Variants in PSMD6 observed in about 807,000 individuals in gnomAD.
The protein encoded by PSMD6 is 26S proteasome non-ATPase regulatory subunit 6.
A neutral mutation model predicts 44.9 loss-of-function variants in PSMD6; 7 were observed. The ratio of observed to expected loss-of-function variants is 0.16; its 90% confidence interval spans 0.09 to 0.29. The LOEUF is 0.29. Ranked by LOEUF, PSMD6 falls within the 10% of genes least tolerant of loss-of-function variation. The pLI, the probability that PSMD6 is intolerant of heterozygous loss-of-function variation, is 1.00. For synonymous variants in PSMD6, 184 were observed against 172.7 expected (o/e 1.07, Z -0.51); for missense variants, 420 against 482.6 (o/e 0.87, Z 1.21).
chr3:64,022,956 A>G, intron 1 of PSMD6: 1 of 1,426,802 alleles, frequency 7.0e-7, no homozygotes, highest in Non-Finnish European at 9.3e-7. Context: ...GCCCGGGAGC[A>G]GTCCCCACTG....
At chr3:64,018,561 T>A (rs530083529) in intron 5 of PSMD6, 38 bp downstream of exon 5, 23 of 1,435,172 alleles carry the variant, frequency 1.6e-5, no homozygotes, top group Non-Finnish European at 2.1e-5. Flanking sequence ...AGGAGTAAGA[T>A]GAAGACAGAT....
chr3:64,022,723 T>C, intron 1 of PSMD6, 200 bp from the exon 2 acceptor site: 1 of 1,536,684 alleles, frequency 6.5e-7, no homozygotes, highest in Non-Finnish European at 8.7e-7. Flanking sequence ...TGACGGCCAA[T>C]CCTGGCAATG....
chr3:64,023,083 G>T, intron 1 of PSMD6, 192 bp downstream of exon 1: 1 of 1,425,622 alleles, frequency 7.0e-7, no homozygotes, highest in Non-Finnish European at 9.1e-7. Flanking sequence ...TGCAGACCCC[G>T]CTGAGGCAAG....
intron 1 of PSMD6, 37 bp downstream of exon 1, chr3:64,023,238 G>A: frequency 6.5e-7 from 1 of 1,541,156 alleles, no homozygotes; most frequent in Non-Finnish European, 8.8e-7. Flanking sequence ...GACGGCCCAG[G>A]CCTAGGCCGC....
intron 6 of PSMD6, 156 bp downstream of exon 6, chr3:64,013,283 A>G: frequency 3.1e-6 from 2 of 646,848 alleles, no homozygotes; most frequent in South Asian, 2.5e-5. Flanking sequence ...CAGAGGCAAC[A>G]GGATACGAAT....
intron 5 of PSMD6, chr3:64,016,879 T>C (rs916436583): frequency 2.0e-5 from 3 of 152,244 alleles, no homozygotes; most frequent in African/African-American, 7.2e-5. Flanking sequence ...TTATTGATAG[T>C]AGCCAAAAAG....
intron 6 of PSMD6, 131 bp downstream of exon 6, chr3:64,013,308 G>T: frequency 2.2e-6 from 2 of 895,130 alleles, no homozygotes; most frequent in Non-Finnish European, 3.3e-6. Flanking sequence ...TGATAATACT[G>T]AGGAAAAAAA....
intron 6 of PSMD6, chr3:64,011,896 C>G (rs142548491): frequency 6.6e-6 from 1 of 152,472 alleles, no homozygotes; most frequent in Non-Finnish European, 1.5e-5. Context: ...ACAAGCCCCT[C>G]CTTCCACTGA....
At chr3:64,023,670 C>G (rs551490685), upstream of PSMD6, 63 of 1,471,852 alleles carry the variant, frequency 4.3e-5, no homozygotes, top group East Asian at 1.1e-3. Flanking sequence ...GGGTGCAGCC[C>G]AACTCAAAAG....
chr3:64,019,155 TTTAAA>T (rs1245610461), intron 3 of PSMD6, 118 bp from the exon 4 acceptor site: 1 of 1,375,390 alleles, frequency 7.3e-7, no homozygotes, highest in Non-Finnish European at 1.0e-6. Context: ...AAAGGAGATA[TTTAAA>T]TTATTTTACT....
intron 2 of PSMD6, among the ~76,000 whole-genome samples, chr3:64,020,690 A>G (rs1444801122): frequency 2.0e-5 from 3 of 152,236 alleles, no homozygotes; most frequent in Non-Finnish European, 4.4e-5. Flanking sequence ...GGCACTTACT[A>G]TGTGCTAGGT....
chr3:64,020,133 T>C (rs1457213048), intron 2 of PSMD6, among the ~76,000 whole-genome samples: 4 of 152,108 alleles, frequency 2.6e-5, no homozygotes, highest in African/African-American at 9.7e-5. Context: ...GGTGAACCTG[T>C]GACATTTTGT....
chr3:64,013,260 G>A, intron 6 of PSMD6, 179 bp downstream of exon 6: 1 of 545,530 alleles, frequency 1.8e-6, no homozygotes, highest in East Asian at 3.2e-5. Context: ...GGGCAGACAT[G>A]ACATGAGGAA....
At chr3:64,013,363 T>C in intron 6 of PSMD6, 76 bp downstream of exon 6, 1 of 1,382,832 alleles carries the variant, frequency 7.2e-7, no homozygotes, top group Non-Finnish European at 9.7e-7. Flanking sequence ...TGTAAACAAG[T>C]AAAAAATTGT....
chr3:64,022,013 T>A (rs1332077771), intron 2 of PSMD6, among the ~76,000 whole-genome samples: 1 of 152,172 alleles, frequency 6.6e-6, no homozygotes, highest in South Asian at 2.1e-4. Flanking sequence ...GTGAGAAAAC[T>A]GCTGAAAATG....
intron 6 of PSMD6, chr3:64,011,670 ATACTACCTGAATTCAAC>A (rs938575683): frequency 4.6e-5 from 7 of 152,136 alleles, no homozygotes; most frequent in East Asian, 3.9e-4. Context: ...AACTGAACAA[ATACTACCTGAATTCAAC>A]TACTACCTGA....
upstream of PSMD6, chr3:64,023,929 A>G: frequency 9.4e-7 from 1 of 1,064,822 alleles, no homozygotes; most frequent in African/African-American, 1.6e-5. Flanking sequence ...GAAACAGACC[A>G]ACCAAGGTCA....
chr3:64,023,721 T>C, upstream of PSMD6: 1 of 1,489,076 alleles, frequency 6.7e-7, no homozygotes, highest in Non-Finnish European at 9.0e-7. Context: ...TTTTTAGCTA[T>C]TTTACTTTCC....
intron 1 of PSMD6, 148 bp downstream of exon 1, chr3:64,023,127 A>C: frequency 1.4e-6 from 2 of 1,424,028 alleles, no homozygotes; most frequent in Non-Finnish European, 1.8e-6. Flanking sequence ...AAACCAAAGC[A>C]AAACCCTAAG....
Sources: gnomAD v4.1 joint callset for allele counts (sites outside exome capture counted in the v4.1 genomes callset) on GRCh38, gnomAD v4.1.1 for gene constraint, MANE v1.5 for transcripts, NCBI Gene and HGNC (gene_info 2026-07-23, HGNC 2026-07-21) for gene names.